The following CSTPP1 variants were observed in gnomAD, a reference collection of about 807,000 sequenced individuals.
CSTPP1 encodes UPF0705 protein C11orf49.
chr11:47,138,014 CA>C, the CSTPP1 span: 1 of 418,396 alleles, frequency 2.4e-6, no homozygotes, highest in African/African-American at 2.1e-5. Flanking sequence ...CCAATACCCC[CA>C]CACACACACA....
At chr11:47,027,241 A>T in the CSTPP1 span, among the ~76,000 whole-genome samples, 1 of 152,202 alleles carries the variant, frequency 6.6e-6, no homozygotes, top group African/African-American at 2.4e-5. Flanking sequence ...CTGATGTGTT[A>T]GGGATGGCAC....
chr11:47,103,839 T>A, the CSTPP1 span: 1 of 152,000 alleles, frequency 6.6e-6, no homozygotes, highest in Admixed American at 6.6e-5. Context: ...CACGCCCTGC[T>A]AATTTTTTTT....
the CSTPP1 span, among the ~76,000 whole-genome samples, chr11:46,969,189 G>T: frequency 3.3e-5 from 5 of 151,998 alleles, no homozygotes; most frequent in East Asian, 1.9e-4. Flanking sequence ...ATACAGTGGG[G>T]TTTTTTTTCT....
chr11:47,118,000 C>T, the CSTPP1 span, among the ~76,000 whole-genome samples: 1 of 151,106 alleles, frequency 6.6e-6, no homozygotes, highest in Middle Eastern at 3.4e-3. Context: ...CTGCCTCAGC[C>T]TCTTGAGTAG....
the CSTPP1 span, among the ~76,000 whole-genome samples, chr11:46,940,601 T>G: frequency 6.6e-6 from 1 of 152,198 alleles, no homozygotes; most frequent in East Asian, 1.9e-4. Flanking sequence ...GAGTGCCTTT[T>G]TACCAAGTTT....
At chr11:47,062,100 A>G in the CSTPP1 span, among the ~76,000 whole-genome samples, 2 of 151,990 alleles carry the variant, frequency 1.3e-5, no homozygotes, top group South Asian at 2.1e-4. Flanking sequence ...CCTTATCTGA[A>G]TTGGGTCCTT....
At chr11:47,138,959 G>C in the CSTPP1 span, among the ~76,000 whole-genome samples, 2 of 115,736 alleles carry the variant, frequency 1.7e-5, no homozygotes, top group Non-Finnish European at 3.3e-5. Flanking sequence ...CAGCCTGGGC[G>C]ACAGAGCAAG....
the CSTPP1 span, among the ~76,000 whole-genome samples, chr11:46,942,446 G>A: frequency 6.6e-6 from 1 of 152,126 alleles, no homozygotes; most frequent in Non-Finnish European, 1.5e-5. Context: ...GAGGGCGTGA[G>A]GTTTATTTTT....
the CSTPP1 span, among the ~76,000 whole-genome samples, chr11:47,009,947 T>G: frequency 6.6e-6 from 1 of 152,206 alleles, no homozygotes; most frequent in Admixed American, 6.5e-5. Context: ...CATATGCCAA[T>G]CACTGTGTGT....
the CSTPP1 span, among the ~76,000 whole-genome samples, chr11:46,983,227 A>G: frequency 4.6e-5 from 7 of 152,228 alleles, no homozygotes; most frequent in African/African-American, 1.7e-4. Flanking sequence ...TAAAGAGATT[A>G]CGTGATCAAC....
chr11:47,061,688 T>C, the CSTPP1 span, among the ~76,000 whole-genome samples: 1 of 152,168 alleles, frequency 6.6e-6, no homozygotes, highest in African/African-American at 2.4e-5. Context: ...GTGCATCTCC[T>C]CTTCTCATTT....
the CSTPP1 span, chr11:47,157,055 G>A: frequency 3.5e-5 from 57 of 1,614,104 alleles, no homozygotes; most frequent in Non-Finnish European, 4.7e-5. Flanking sequence ...CATCTATGAG[G>A]ACCTGCTGTC....
the CSTPP1 span, among the ~76,000 whole-genome samples, chr11:47,010,436 C>T: frequency 2.0e-5 from 3 of 152,308 alleles, no homozygotes; most frequent in African/African-American, 7.2e-5. Flanking sequence ...GTGTCAGTTG[C>T]AGTAGCTGCT....
chr11:47,158,226 G>A, the CSTPP1 span, among the ~76,000 whole-genome samples: 2 of 152,196 alleles, frequency 1.3e-5, no homozygotes, highest in African/African-American at 2.4e-5. Flanking sequence ...GCAGCCTGCA[G>A]GTCGGGCAGA....
At chr11:46,983,513 G>A in the CSTPP1 span, among the ~76,000 whole-genome samples, 2 of 152,208 alleles carry the variant, frequency 1.3e-5, no homozygotes, top group Non-Finnish European at 2.9e-5. Flanking sequence ...AAGAGGAAAA[G>A]CCTGTCTTAA....
the CSTPP1 span, chr11:46,987,627 G>A: frequency 3.2e-5 from 7 of 221,266 alleles, 1 homozygote; most frequent in Non-Finnish European, 5.4e-5. Context: ...ATTTCCTTTC[G>A]CTGATGTTCA....
the CSTPP1 span, among the ~76,000 whole-genome samples, chr11:47,156,514 T>G: frequency 6.6e-6 from 1 of 152,168 alleles, no homozygotes; most frequent in Non-Finnish European, 1.5e-5. Flanking sequence ...CCAACACGCT[T>G]TCTTGAGGTA....
chr11:47,085,735 C>T, the CSTPP1 span, among the ~76,000 whole-genome samples: 1 of 151,370 alleles, frequency 6.6e-6, no homozygotes, highest in African/African-American at 2.4e-5. Context: ...ACTAAAAATA[C>T]AAAAATTAGC....
chr11:46,988,219 C>G, the CSTPP1 span, among the ~76,000 whole-genome samples: 1 of 151,948 alleles, frequency 6.6e-6, no homozygotes, highest in Non-Finnish European at 1.5e-5. Context: ...GGGTATATAC[C>G]CAAAAGAAAG....
Sources: allele counts gnomAD v4.1 joint callset (sites outside exome capture counted in the v4.1 genomes callset), GRCh38; gene constraint gnomAD v4.1.1; transcripts MANE v1.5; gene names NCBI Gene and HGNC (gene_info 2026-07-23, HGNC 2026-07-21).